CRYL1: variants seen among roughly 807,000 people sequenced by gnomAD.
CRYL1 encodes the protein crystallin lambda 1, also known as lambda-crystallin homolog.
A neutral mutation model predicts 36.6 loss-of-function variants in CRYL1; 29 were observed. The observed-to-expected ratio is 0.79, with a 90% CI of 0.59 to 1.08. The LOEUF (loss-of-function observed/expected upper bound fraction) is 1.08, where lower values mean the gene tolerates loss of function less well. Ranked by LOEUF, CRYL1 falls within the 50% of genes least tolerant of loss-of-function variation. The pLI is 0.00. For synonymous variants in CRYL1, 152 were observed against 151.5 expected (o/e 1.00, Z -0.02); for missense variants, 411 against 407.9 (o/e 1.01, Z -0.06).
intron 5 of CRYL1, among the ~76,000 whole-genome samples, chr13:20,422,442 G>A (rs1253360590): frequency 6.6e-6 from 1 of 151,806 alleles, no homozygotes; most frequent in African/African-American, 2.4e-5. Context: ...CAGTTGCTGT[G>A]GCAGTTGACA....
At chr13:20,409,137 G>T (rs1310884876) in intron 6 of CRYL1, among the ~76,000 whole-genome samples, 2 of 151,914 alleles carry the variant, frequency 1.3e-5, no homozygotes, top group East Asian at 1.9e-4. Flanking sequence ...GCATGGTACT[G>T]GTACCAAAAC....
chr13:20,468,114 A>T (rs1183820973), intron 3 of CRYL1, among the ~76,000 whole-genome samples: 1 of 152,076 alleles, frequency 6.6e-6, no homozygotes, highest in African/African-American at 2.4e-5. Flanking sequence ...CACAGAACCC[A>T]TCTCTGGTGC....
At chr13:20,491,193 C>T (rs1466180116) in intron 2 of CRYL1, among the ~76,000 whole-genome samples, 1 of 152,138 alleles carries the variant, frequency 6.6e-6, no homozygotes, top group Non-Finnish European at 1.5e-5. Flanking sequence ...AAGCGTGAGC[C>T]ACAGCACCTG....
Position 20,415,402 on chromosome 13 carries a change from A to AGGTG in CRYL1, c.634-2016_634-2015insCACC, listed in dbSNP as rs2031635648. Among the ~76,000 whole-genome samples the AGGTG allele has an allele frequency of 6.6e-6, 1 of 151,838 alleles. No homozygotes were observed. The highest frequency in any genetic ancestry group is 1.5e-5 in the Non-Finnish European group (1 of 67,938). On this transcript the variant is annotated intron_variant, in intron 5 of 7. Transcript: ENST00000298248. The surrounding 1 kb of genome is among the most constrained non-coding windows in gnomAD (Gnocchi z 4.1). ...GCCCCGCAACCGGCTGCGGCGGGCG[A>AGGTG]CAGCCAGGTGCCTCAGGTCCGTGTG...
At chr13:20,511,189 A>G (rs983640124) in intron 2 of CRYL1, among the ~76,000 whole-genome samples, 12 of 152,060 alleles carry the variant, frequency 7.9e-5, no homozygotes, top group Non-Finnish European at 1.2e-4. Flanking sequence ...GGCTCAAGCA[A>G]TCCTTCTGCC....
chr13:20,498,051 A>G (rs9579878), intron 2 of CRYL1, among the ~76,000 whole-genome samples: 56,827 of 151,492 alleles, frequency 0.38, 11,116 homozygotes, highest in East Asian at 0.49. Flanking sequence ...ACACAACTAC[A>G]CACACACCCT....
At chr13:20,472,308 G>C (rs1262377054) in intron 3 of CRYL1, among the ~76,000 whole-genome samples, 1 of 152,032 alleles carries the variant, frequency 6.6e-6, no homozygotes, top group African/African-American at 2.4e-5. Context: ...ATTGCTTAGG[G>C]AACAATGACA....
At chr13:20,506,128 A>G (rs918265658) in intron 2 of CRYL1, among the ~76,000 whole-genome samples, 1 of 152,166 alleles carries the variant, frequency 6.6e-6, no homozygotes, top group Non-Finnish European at 1.5e-5. Flanking sequence ...AGGGGGTGCA[A>G]TATGACACAA....
intron 2 of CRYL1, among the ~76,000 whole-genome samples, chr13:20,511,050 T>C (rs2137508028): frequency 6.6e-6 from 1 of 152,186 alleles, no homozygotes; most frequent in East Asian, 1.9e-4. Context: ...CGGTGTTGTT[T>C]TACTTTTGAT....
chr13:20,437,863 A>G (rs2032265581), intron 4 of CRYL1, among the ~76,000 whole-genome samples: 1 of 152,226 alleles, frequency 6.6e-6, no homozygotes, highest in African/African-American at 2.4e-5. Context: ...TTTCAAACTA[A>G]CTTAGAAGCA....
chr13:20,412,722 C>A (rs1258856689), intron 6 of CRYL1, among the ~76,000 whole-genome samples: 1 of 152,146 alleles, frequency 6.6e-6, no homozygotes, highest in African/African-American at 2.4e-5. Flanking sequence ...TGGGCTCAGA[C>A]CTAATTCCCC....
intron 3 of CRYL1, among the ~76,000 whole-genome samples, chr13:20,443,891 A>C (rs552601422): frequency 6.6e-6 from 1 of 152,366 alleles, no homozygotes; most frequent in East Asian, 1.9e-4. Flanking sequence ...AGGAAATATG[A>C]ATTAGAATCC....
chr13:20,514,987 C>T (rs1453498138), intron 1 of CRYL1, among the ~76,000 whole-genome samples: 2 of 152,072 alleles, frequency 1.3e-5, no homozygotes, highest in Non-Finnish European at 2.9e-5. Context: ...ATGTGGCATA[C>T]CCATATAACA....
chr13:20,517,632 TTAAAA>T (rs931623253), intron 1 of CRYL1, among the ~76,000 whole-genome samples: 48 of 150,694 alleles, frequency 3.2e-4, no homozygotes, highest in Middle Eastern at 6.8e-3. Context: ...ATAGTGAAGT[TTAAAA>T]TAAAAAACAA....
chr13:20,430,458 T>A (rs2032033995), intron 5 of CRYL1: 2 of 985,324 alleles, frequency 2.0e-6, no homozygotes, highest in Non-Finnish European at 2.4e-6. Flanking sequence ...TAACACAATG[T>A]CACTCAGGCT....
Position 20,512,441 on chromosome 13 carries a change from A to G in CRYL1, c.149+2T>C, listed in dbSNP as rs763267820. Reference sequence around the variant, plus strand: ...CCTTCTGGAGAGCGCCGGCTGGCCCACCTGATGTTTTCCAGGGCGTTCCTT... The same window carrying G: ...CCTTCTGGAGAGCGCCGGCTGGCCCGCCTGATGTTTTCCAGGGCGTTCCTT... On this transcript the variant is annotated splice_donor_variant, in intron 2 of 7. Transcript: ENST00000298248. LOFTEE classifies it high-confidence loss of function. The G allele has an allele frequency of 6.8e-6, 11 of 1,610,252 alleles. No individual in the cohort carries two copies. Among genetic ancestry groups the G allele is most frequent in the Non-Finnish European group, 1.7e-6 (2 of 1,176,874 alleles).
intron 2 of CRYL1, among the ~76,000 whole-genome samples, chr13:20,490,718 C>T (rs967622291): frequency 6.6e-6 from 1 of 151,932 alleles, no homozygotes; most frequent in Non-Finnish European, 1.5e-5. Flanking sequence ...GGGTCAGTCC[C>T]CTGGGATGGA....
At chr13:20,486,528 C>G (rs755428448) in intron 3 of CRYL1, among the ~76,000 whole-genome samples, 1 of 144,920 alleles carries the variant, frequency 6.9e-6, no homozygotes, top group Non-Finnish European at 1.5e-5. Flanking sequence ...ATTAAACCTT[C>G]CCGAAGCCTC....
intron 3 of CRYL1, among the ~76,000 whole-genome samples, chr13:20,485,389 G>A (rs771458489): frequency 2.6e-5 from 4 of 152,076 alleles, no homozygotes; most frequent in East Asian, 1.9e-4. Context: ...TAGGCTGGGC[G>A]CAATGGTTCA....
Sources: gnomAD v4.1 joint callset for allele counts (sites outside exome capture counted in the v4.1 genomes callset) on GRCh38, gnomAD v4.1.1 for gene constraint, Gnocchi (gnomAD v3.1) non-coding constraint, MANE v1.5 for transcripts, NCBI Gene and HGNC (gene_info 2026-07-23, HGNC 2026-07-21) for gene names.